Variants in XYLT1 observed in about 807,000 individuals in gnomAD.
The protein encoded by XYLT1 is beta-D-xylosyltransferase 1.
XYLT1 carries 36 observed loss-of-function variants against 91.3 expected under a neutral mutation model. The observed-to-expected ratio is 0.39, with a 90% CI of 0.30 to 0.52. The LOEUF (loss-of-function observed/expected upper bound fraction) is 0.52. Among genes scored for constraint, XYLT1 ranks in the 20% least tolerant of loss-of-function variants. XYLT1 has a pLI of 0.68. For missense variants in XYLT1, 1,242 were observed against 1,284.5 expected (o/e 0.97, Z 0.51); for synonymous variants, 588 against 532.0 (o/e 1.11, Z -1.45).
rs1233628545 is a variant in XYLT1, at chr16:17,332,567, T to TACACATACAC, written c.402+25444_402+25445insGTGTATGTGT. On this transcript the variant is annotated intron_variant, in intron 2 of 11. Coordinates refer to ENST00000261381, the MANE Select transcript of XYLT1 (RefSeq NM_022166.4). ...ACAGAGCCAGAGTCCATCACACACA[T>TACACATACAC]ACACACACACACACACACACACACA... Among the ~76,000 whole-genome samples, 67 of 137,996 alleles carry TACACATACAC rather than the reference T, an allele frequency of 4.9e-4. 1 individual carries two copies. Among genetic ancestry groups the TACACATACAC allele is most frequent in the African/African-American group, 1.5e-3 (55 of 36,972 alleles). 90.5% of individuals were successfully genotyped at this position (137,996 alleles called of 152,430 possible).
Position 17,168,983 on chromosome 16 carries a change from T to C in XYLT1, c.1290-10074A>G, listed in dbSNP as rs141425607. Among the ~76,000 whole-genome samples the C allele has an allele frequency of 7.0e-3, 1,060 of 152,366 alleles. 14 individuals carry two copies. The highest frequency in any genetic ancestry group is 0.024 in the African/African-American group (1,003 of 41,582). On this transcript the variant is annotated intron_variant, in intron 5 of 11. Transcript: ENST00000261381. ...TTGGAATTACTTGAAGTTTTCTAAA[T>C]GTTCTGTGTTCTTTCATAACTCTAA... is the stretch of plus-strand genomic sequence containing the variant.
At chr16:17,294,326 C>T (rs759677273) in intron 2 of XYLT1, among the ~76,000 whole-genome samples, 12 of 152,184 alleles carry the variant, frequency 7.9e-5, no homozygotes, top group South Asian at 2.1e-4. Flanking sequence ...CTAGGCTGCT[C>T]CACATGAGGG....
At chr16:17,376,827 C>CAAAAAAAAAAAAA (rs10684824) in intron 1 of XYLT1, among the ~76,000 whole-genome samples, 2 of 55,672 alleles carry the variant, frequency 3.6e-5, no homozygotes, top group Admixed American at 2.4e-4. Flanking sequence ...AACTCTGTCT[C>CAAAAAAAAAAAAA]AAAAAAAAAA....
chr16:17,131,366 C>T (rs898608303), intron 9 of XYLT1, among the ~76,000 whole-genome samples: 3 of 152,328 alleles, frequency 2.0e-5, no homozygotes, highest in Middle Eastern at 3.4e-3. Flanking sequence ...CCGAAGTATT[C>T]GTTTGGCCCA....
At chr16:17,313,508 T>C (rs1439409691) in intron 2 of XYLT1, among the ~76,000 whole-genome samples, 3 of 152,136 alleles carry the variant, frequency 2.0e-5, no homozygotes, top group African/African-American at 7.2e-5. Flanking sequence ...TATGTGGAGA[T>C]GATCTATGCA....
rs1453765281 is a variant in XYLT1, at chr16:17,358,029, T to C, written c.385A>G (p.Ile129Val). ...RALDPHPSPLITLETQDGYFS... is the reference protein window; with the variant it reads ...RALDPHPSPLVTLETQDGYFS... Reference sequence around the variant, plus strand: ...ATACTTACCTGAGTCTCCAGGGTGATGAGCGGACTTGGGTGTGGATCCTGT... The same window carrying C: ...ATACTTACCTGAGTCTCCAGGGTGACGAGCGGACTTGGGTGTGGATCCTGT... Residue 129 changes from isoleucine (I) to valine (V), a missense_variant, in exon 2 of 12, where the codon ATC becomes GTC. Physicochemically the swap from Ile to Val is conservative, Grantham distance 29. Around this residue, in one of 3 missense-constraint regions of XYLT1, gnomAD observed 437 missense variants for 411.5 expected, o/e 1.06. Coordinates refer to ENST00000261381, the MANE Select transcript of XYLT1 (RefSeq NM_022166.4). 2 of 1,613,678 alleles carry C rather than the reference T, an allele frequency of 1.2e-6. No homozygotes were observed. Among genetic ancestry groups the C allele is most frequent in the African/African-American group, 1.3e-5 (1 of 74,998 alleles).
chr16:17,387,558 G>C (rs2035761944), intron 1 of XYLT1, among the ~76,000 whole-genome samples: 1 of 152,132 alleles, frequency 6.6e-6, no homozygotes, highest in Non-Finnish European at 1.5e-5. Context: ...TTGTCATTAT[G>C]ACATTCTCCT....
chr16:17,458,136 T>A (rs1178497666), intron 1 of XYLT1, among the ~76,000 whole-genome samples: 1 of 152,210 alleles, frequency 6.6e-6, no homozygotes, highest in Non-Finnish European at 1.5e-5. Context: ...CATGCCGTCC[T>A]TGGGCTCCCG....
chr16:17,211,793 C>T (rs1206491233), intron 3 of XYLT1, among the ~76,000 whole-genome samples: 2 of 152,200 alleles, frequency 1.3e-5, no homozygotes, highest in Non-Finnish European at 2.9e-5. Flanking sequence ...CTCATGTTCT[C>T]AGAATGGCTT....
At chr16:17,412,803 T>C (rs1407525758) in intron 1 of XYLT1, among the ~76,000 whole-genome samples, 2 of 152,084 alleles carry the variant, frequency 1.3e-5, no homozygotes, top group East Asian at 3.9e-4. Flanking sequence ...TAAGGGTGTA[T>C]CTACAGTTAG....
intron 1 of XYLT1, among the ~76,000 whole-genome samples, chr16:17,361,716 T>C (rs1044725902): frequency 1.3e-5 from 2 of 152,226 alleles, no homozygotes; most frequent in Non-Finnish European, 2.9e-5. Flanking sequence ...TCTGAATTTA[T>C]TATTTAGATA....
At chr16:17,169,916 A>G (rs2031785886) in intron 5 of XYLT1, among the ~76,000 whole-genome samples, 1 of 152,216 alleles carries the variant, frequency 6.6e-6, no homozygotes, top group African/African-American at 2.4e-5. Context: ...TTAAAAGTAA[A>G]TGCAATTTAA....
chr16:17,395,900 C>T (rs144385841), intron 1 of XYLT1, among the ~76,000 whole-genome samples: 221 of 152,260 alleles, frequency 1.5e-3, no homozygotes, highest in African/African-American at 4.7e-3. Flanking sequence ...ACTCTGTTCA[C>T]CATTCCTACA....
At chr16:17,208,650 T>G (rs1357506776) in intron 3 of XYLT1, among the ~76,000 whole-genome samples, 1 of 152,226 alleles carries the variant, frequency 6.6e-6, no homozygotes. Context: ...GCCCAAAATG[T>G]TCTGGATTTC....
intron 2 of XYLT1, among the ~76,000 whole-genome samples, chr16:17,341,852 G>A (rs1337283084): frequency 6.6e-6 from 1 of 152,026 alleles, no homozygotes; most frequent in African/African-American, 2.4e-5. Context: ...TTGTGTACAC[G>A]GAGTAGGTAT....
chr16:17,468,316 A>G (rs1039782943), intron 1 of XYLT1, among the ~76,000 whole-genome samples: 2 of 152,110 alleles, frequency 1.3e-5, no homozygotes, highest in Non-Finnish European at 2.9e-5. Context: ...GCCCCAAGAG[A>G]CAACAGTCAA....
At chr16:17,400,150 G>A (rs1596525813) in intron 1 of XYLT1, among the ~76,000 whole-genome samples, 1 of 152,294 alleles carries the variant, frequency 6.6e-6, no homozygotes, top group East Asian at 1.9e-4. Context: ...GAAGGACAGG[G>A]GCTGACAGTG....
chr16:17,271,031 C>T (rs1297411333), intron 2 of XYLT1, among the ~76,000 whole-genome samples: 2 of 152,244 alleles, frequency 1.3e-5, no homozygotes, highest in East Asian at 3.9e-4. Flanking sequence ...CAAAGTCAGA[C>T]CCAAGGACAG....
intron 1 of XYLT1, among the ~76,000 whole-genome samples, chr16:17,416,781 G>A (rs112119941): frequency 8.7e-4 from 133 of 152,310 alleles, no homozygotes; most frequent in African/African-American, 3.0e-3. Flanking sequence ...CTGCACCGTG[G>A]TGAAACATCT....
Sources: allele counts gnomAD v4.1 joint callset (sites outside exome capture counted in the v4.1 genomes callset), GRCh38; gene constraint gnomAD v4.1.1; regional missense constraint gnomAD v4.1.1; transcripts MANE v1.5; gene names NCBI Gene and HGNC (gene_info 2026-07-23, HGNC 2026-07-21).